The following RTN1 variants were observed in gnomAD, a reference collection of about 807,000 sequenced individuals.
RTN1 encodes the protein reticulon-1.
RTN1 carries 25 observed loss-of-function variants against 65.5 expected under a neutral mutation model. The ratio of observed to expected loss-of-function variants is 0.38; its 90% CI spans 0.28 to 0.53. The LOEUF (loss-of-function observed/expected upper bound fraction) is 0.53, where lower values mean the gene tolerates loss of function less well. Among genes scored for constraint, RTN1 ranks in the 20% least tolerant of loss-of-function variants. The probability of loss-of-function intolerance (pLI) is 0.79; values close to 1 mark genes in which losing one functional copy is unlikely to be tolerated. For synonymous variants in RTN1, 471 were observed against 447.6 expected (o/e 1.05, Z -0.66); for missense variants, 983 against 1,025.4 (o/e 0.96, Z 0.57).
chr14:59,696,984 C>T (rs938156347), intron 3 of RTN1, among the ~76,000 whole-genome samples: 7 of 152,150 alleles, frequency 4.6e-5, no homozygotes, highest in Non-Finnish European at 1.0e-4. Context: ...TGTCAACTAG[C>T]CACTACATAC....
chr14:59,741,421 A>G (rs1212628715), intron 2 of RTN1, among the ~76,000 whole-genome samples: 1 of 152,076 alleles, frequency 6.6e-6, no homozygotes, highest in Non-Finnish European at 1.5e-5. Context: ...ACCTGATATT[A>G]TATTATATAT....
chr14:59,700,015 A>C (rs1200984665), intron 3 of RTN1, among the ~76,000 whole-genome samples: 1 of 152,160 alleles, frequency 6.6e-6, no homozygotes, highest in African/African-American at 2.4e-5. Context: ...ATATGGTCTC[A>C]ATAGCACCTA....
At chr14:59,749,811 AT>A (rs1885398630) in intron 1 of RTN1, among the ~76,000 whole-genome samples, 1 of 113,792 alleles carries the variant, frequency 8.8e-6, no homozygotes, top group Non-Finnish European at 1.6e-5. Context: ...ATATATATCT[AT>A]ATGTATATTT....
In RTN1 at chr14:59,870,655, A is replaced by G; in HGVS notation, c.-25T>C. On this transcript the variant is annotated 5_prime_UTR_variant, in exon 1 of 9. Transcript: ENST00000267484. The surrounding 1 kb of genome is among the most constrained non-coding windows in gnomAD (Gnocchi z 5.1). ...TGGCTGGCGGTCCCCCGGCGCGGCGACGGCGGCTTGGCTGGGCAGAGGCTC... is the reference window on the plus strand; with the variant it reads ...TGGCTGGCGGTCCCCCGGCGCGGCGGCGGCGGCTTGGCTGGGCAGAGGCTC... 1 of 1,355,410 alleles carries G rather than the reference A, an allele frequency of 7.4e-7. No individual in the cohort carries two copies. The highest frequency in any genetic ancestry group is 9.4e-7 in the Non-Finnish European group (1 of 1,061,412). 84.0% of individuals were successfully genotyped at this position (1,355,410 alleles called of 1,614,324 possible).
chr14:59,867,889 T>C (rs1887826119), intron 1 of RTN1, among the ~76,000 whole-genome samples: 1 of 152,214 alleles, frequency 6.6e-6, no homozygotes, highest in Non-Finnish European at 1.5e-5. Context: ...AAGACAGCTG[T>C]GTGTGGACCA....
chr14:59,798,145 A>T lies in RTN1; in HGVS notation c.242-51664T>A, dbSNP rs546084811. 5.9e-5 allele frequency among the ~76,000 whole-genome samples: 9 copies of T among 152,276 alleles called. 2 individuals carry two copies. In the South Asian group the frequency reaches 1.9e-3, roughly 32 times the overall value. On this transcript the variant is annotated intron_variant, in intron 1 of 8. Transcript: ENST00000267484. ...TTTTTCAAGCAATTGATGTGTCTGA[A>T]TTTTTCAAAAAATGTGTTAATTCAT...
intron 1 of RTN1, among the ~76,000 whole-genome samples, chr14:59,780,535 A>G (rs941496628): frequency 6.6e-6 from 1 of 152,354 alleles, no homozygotes; most frequent in Middle Eastern, 3.4e-3. Flanking sequence ...AAACTCAAGA[A>G]AAAATATGGA....
intron 8 of RTN1, among the ~76,000 whole-genome samples, chr14:59,600,624 G>C (rs553740298): frequency 6.6e-6 from 1 of 152,074 alleles, no homozygotes; most frequent in African/African-American, 2.4e-5. Context: ...TCAAAATGTA[G>C]TGCCAGGCAA....
chr14:59,819,045 T>A (rs548294531), intron 1 of RTN1, among the ~76,000 whole-genome samples: 1 of 151,820 alleles, frequency 6.6e-6, no homozygotes, highest in Non-Finnish European at 1.5e-5. Flanking sequence ...TCGCAGTGAG[T>A]GTTACAGTTC....
intron 1 of RTN1, among the ~76,000 whole-genome samples, chr14:59,773,649 T>A (rs1885999225): frequency 6.6e-6 from 1 of 152,150 alleles, no homozygotes. Context: ...CCACCTGAGT[T>A]ACCAACTCAT....
chr14:59,853,688 T>C (rs1455995046), intron 1 of RTN1, among the ~76,000 whole-genome samples: 7 of 152,098 alleles, frequency 4.6e-5, no homozygotes, highest in African/African-American at 1.7e-4. Flanking sequence ...AGTTATCATG[T>C]CAGGGACAGC....
At chr14:59,780,218 G>T (rs74061312) in intron 1 of RTN1, among the ~76,000 whole-genome samples, 2,915 of 152,226 alleles carry the variant, frequency 0.019, 110 homozygotes, top group African/African-American at 0.066. Context: ...ACATATTTTC[G>T]GTGCCACAAA....
At chr14:59,662,349 C>T (rs1883269051) in intron 3 of RTN1, among the ~76,000 whole-genome samples, 1 of 146,794 alleles carries the variant, frequency 6.8e-6, no homozygotes, top group Non-Finnish European at 1.5e-5. Context: ...TGTGATGTCC[C>T]CCTTCCTGTG....
chr14:59,805,003 C>A (rs1027382072), intron 1 of RTN1, among the ~76,000 whole-genome samples: 3 of 152,198 alleles, frequency 2.0e-5, no homozygotes, highest in South Asian at 2.1e-4. Context: ...AAAGAGAAGG[C>A]AAAGGAATTA....
intron 1 of RTN1, among the ~76,000 whole-genome samples, chr14:59,792,758 T>C (rs1037717541): frequency 6.6e-6 from 1 of 152,176 alleles, no homozygotes; most frequent in Admixed American, 6.6e-5. Flanking sequence ...AAACAGGATG[T>C]TTCAGAAAAT....
At chr14:59,775,279 C>T (rs546854615) in intron 1 of RTN1, among the ~76,000 whole-genome samples, 66 of 152,278 alleles carry the variant, frequency 4.3e-4, no homozygotes, top group African/African-American at 1.5e-3. Context: ...CCCTGAATCA[C>T]CTTTTGAGGC....
chr14:59,719,613 A>G (rs1178698984), intron 3 of RTN1, among the ~76,000 whole-genome samples: 3 of 152,258 alleles, frequency 2.0e-5, no homozygotes, highest in African/African-American at 7.2e-5. Flanking sequence ...TGGGACTGGC[A>G]TAACCTTGAG....
intron 1 of RTN1, among the ~76,000 whole-genome samples, chr14:59,818,909 C>T (rs185721072): frequency 9.8e-5 from 15 of 152,288 alleles, no homozygotes; most frequent in Middle Eastern, 3.4e-3. Flanking sequence ...GTCTTGCTGA[C>T]TTCAACAATG....
intron 3 of RTN1, among the ~76,000 whole-genome samples, chr14:59,657,241 T>A (rs1435380834): frequency 6.6e-6 from 1 of 152,078 alleles, no homozygotes; most frequent in Non-Finnish European, 1.5e-5. Flanking sequence ...AAACCCTGTC[T>A]CTACTAAAAA....
Sources: allele counts gnomAD v4.1 joint callset (sites outside exome capture counted in the v4.1 genomes callset), GRCh38; gene constraint gnomAD v4.1.1; non-coding constraint Gnocchi (gnomAD v3.1); transcripts MANE v1.5; gene names NCBI Gene and HGNC (gene_info 2026-07-23, HGNC 2026-07-21).